The following GALNT13 variants were observed in gnomAD, a reference collection of about 807,000 sequenced individuals.
GALNT13 encodes UDP-GalNAc:polypeptide N-acetylgalactosaminyltransferase 13.
Under a neutral mutation model 64.2 loss-of-function variants are expected in GALNT13, and 28 were observed. That is an observed-to-expected ratio of 0.44 (90% CI 0.32 to 0.60). GALNT13 has a LOEUF of 0.60. GALNT13 is among the 20% of genes least tolerant of loss of function. GALNT13 has a pLI of 0.05. For synonymous variants in GALNT13, 214 were observed against 224.6 expected (o/e 0.95, Z 0.42); for missense variants, 577 against 669.8 (o/e 0.86, Z 1.53).
At chr2:153,910,163 A>G (rs6741895) in intron 2 of GALNT13, among the ~76,000 whole-genome samples, 108,834 of 151,532 alleles carry the variant, frequency 0.72, 39,399 homozygotes, top group East Asian at 0.96. Context: ...TGGTTTAGTC[A>G]TGGGAGGGTA....
intron 11 of GALNT13, among the ~76,000 whole-genome samples, chr2:154,427,147 G>A (rs1436746235): frequency 6.6e-6 from 1 of 152,158 alleles, no homozygotes; most frequent in Non-Finnish European, 1.5e-5. Context: ...TATTCAGTCT[G>A]TAAAATAGCC....
the GALNT13 span, among the ~76,000 whole-genome samples, chr2:153,753,857 A>G: frequency 6.6e-6 from 1 of 152,232 alleles, no homozygotes; most frequent in African/African-American, 2.4e-5. Flanking sequence ...GTTAGGGACT[A>G]GAGTCAAAAA....
intron 2 of GALNT13, among the ~76,000 whole-genome samples, chr2:153,905,019 A>G (rs1206720621): frequency 6.6e-6 from 1 of 151,910 alleles, no homozygotes; most frequent in East Asian, 1.9e-4. Flanking sequence ...GTCTCTTCTT[A>G]CCACTTATAA....
the GALNT13 span, among the ~76,000 whole-genome samples, chr2:153,729,735 A>C: frequency 1.3e-5 from 2 of 152,080 alleles, no homozygotes; most frequent in African/African-American, 4.8e-5. Flanking sequence ...AATCCTAAAG[A>C]GTCATCCAAA....
chr2:153,423,251 TAAC>T, the GALNT13 span, among the ~76,000 whole-genome samples: 2 of 151,800 alleles, frequency 1.3e-5, no homozygotes, highest in African/African-American at 2.4e-5. Flanking sequence ...ACTAAGAAAT[TAAC>T]AATTTTTAAA....
intron 4 of GALNT13, among the ~76,000 whole-genome samples, chr2:154,175,631 C>T (rs1292555565): frequency 2.6e-5 from 4 of 151,842 alleles, no homozygotes; most frequent in African/African-American, 9.7e-5. Flanking sequence ...CTATAGAAAC[C>T]CTCTGAGAAT....
At chr2:153,093,584 T>C in the GALNT13 span, among the ~76,000 whole-genome samples, 1 of 152,168 alleles carries the variant, frequency 6.6e-6, no homozygotes, top group East Asian at 1.9e-4. Context: ...TTTGCTAGTA[T>C]TTTGTTGAGG....
the GALNT13 span, among the ~76,000 whole-genome samples, chr2:153,346,420 C>G: frequency 6.6e-6 from 1 of 152,118 alleles, no homozygotes; most frequent in Non-Finnish European, 1.5e-5. Context: ...TCATTGTAAC[C>G]AAGGGCTGCA....
chr2:153,767,367 T>C, the GALNT13 span, among the ~76,000 whole-genome samples: 1 of 152,144 alleles, frequency 6.6e-6, no homozygotes, highest in African/African-American at 2.4e-5. Flanking sequence ...GGACACTTAG[T>C]TGGCTTAATG....
chr2:153,211,610 T>A, the GALNT13 span, among the ~76,000 whole-genome samples: 1 of 152,196 alleles, frequency 6.6e-6, no homozygotes, highest in Non-Finnish European at 1.5e-5. Flanking sequence ...TCCACTGCAC[T>A]CTTGCCTGAT....
At chr2:154,307,458 T>C (rs1693800009) in intron 9 of GALNT13, among the ~76,000 whole-genome samples, 1 of 152,226 alleles carries the variant, frequency 6.6e-6, no homozygotes, top group Non-Finnish European at 1.5e-5. Context: ...TCTGAGTTTT[T>C]TCACAATATC....
intron 3 of GALNT13, among the ~76,000 whole-genome samples, chr2:154,112,086 C>A (rs1703017743): frequency 6.6e-6 from 1 of 152,180 alleles, no homozygotes; most frequent in African/African-American, 2.4e-5. Flanking sequence ...CTAGTGAGGA[C>A]AAACCTCTGC....
chr2:154,031,080 G>A (rs1052249481), intron 3 of GALNT13, among the ~76,000 whole-genome samples: 5 of 152,062 alleles, frequency 3.3e-5, no homozygotes, highest in East Asian at 1.9e-4. Flanking sequence ...ATAGCAATGC[G>A]ATATTTATTT....
At chr2:153,845,618 C>A in the GALNT13 span, among the ~76,000 whole-genome samples, 2 of 152,050 alleles carry the variant, frequency 1.3e-5, no homozygotes, top group African/African-American at 4.8e-5. Context: ...TAAACTATAT[C>A]AAGAGACATG....
At chr2:153,328,356 C>CAG in the GALNT13 span, among the ~76,000 whole-genome samples, 3 of 152,168 alleles carry the variant, frequency 2.0e-5, no homozygotes, top group Non-Finnish European at 4.4e-5. Context: ...TTGCTCTCTT[C>CAG]AGAGCCTGCA....
At chr2:153,528,368 C>A in the GALNT13 span, among the ~76,000 whole-genome samples, 1 of 151,834 alleles carries the variant, frequency 6.6e-6, no homozygotes, top group Non-Finnish European at 1.5e-5. Flanking sequence ...GTCAATTCAG[C>A]AAGAGGATAT....
the GALNT13 span, among the ~76,000 whole-genome samples, chr2:153,827,986 C>G: frequency 6.6e-6 from 1 of 152,212 alleles, no homozygotes; most frequent in African/African-American, 2.4e-5. Context: ...ACAGGGCAGT[C>G]AAATCTTAAA....
chr2:153,478,556 C>A, the GALNT13 span: 1 of 1,587,784 alleles, frequency 6.3e-7, no homozygotes, highest in African/African-American at 1.3e-5. Context: ...TTGCCTAGGG[C>A]CGGATTCATC....
the GALNT13 span, among the ~76,000 whole-genome samples, chr2:153,672,786 A>G: frequency 6.6e-6 from 1 of 150,802 alleles, no homozygotes; most frequent in Non-Finnish European, 1.5e-5. Context: ...TTTTTTTTGA[A>G]AAGATGAACA....
Sources: allele counts gnomAD v4.1 joint callset (sites outside exome capture counted in the v4.1 genomes callset), GRCh38; gene constraint gnomAD v4.1.1; transcripts MANE v1.5; gene names NCBI Gene and HGNC (gene_info 2026-07-23, HGNC 2026-07-21).